Variants in PALLD observed in about 807,000 individuals in gnomAD.
The protein encoded by PALLD is palladin.
PALLD carries 61 observed loss-of-function variants against 123.5 expected under a neutral mutation model. The ratio of observed to expected loss-of-function variants is 0.49; its 90% confidence interval spans 0.40 to 0.61. PALLD has a LOEUF of 0.61. Among genes scored for constraint, PALLD ranks in the 20% least tolerant of loss-of-function variants. PALLD has a pLI of 0.00. For synonymous variants in PALLD, 465 were observed against 496.4 expected, an observed-to-expected ratio of 0.94 and a Z score of 0.84; for missense variants, 1,273 against 1,377.0, an observed-to-expected ratio of 0.92 and a Z score of 1.20.
chr4:168,753,917 A>G (rs952016945), intron 10 of PALLD, among the ~76,000 whole-genome samples: 28 of 152,208 alleles, frequency 1.8e-4, no homozygotes, highest in Admixed American at 7.9e-4. Flanking sequence ...CATAAGAGAC[A>G]GTTAATGCTT....
At chr4:168,668,443 A>C in intron 3 of PALLD, 75 bp downstream of exon 3, 2 of 1,242,970 alleles carry the variant, frequency 1.6e-6, no homozygotes, top group South Asian at 1.6e-5. Context: ...TGGGCATGCA[A>C]ATGTGCCTTT....
intron 2 of PALLD, among the ~76,000 whole-genome samples, chr4:168,571,275 CTA>C (rs1221032556): frequency 3.9e-5 from 6 of 152,124 alleles, no homozygotes; most frequent in African/African-American, 1.4e-4. Context: ...TCTATTTACT[CTA>C]TGTGTGATTC....
chr4:168,614,697 A>G (rs1774050735), intron 2 of PALLD, among the ~76,000 whole-genome samples: 1 of 152,146 alleles, frequency 6.6e-6, no homozygotes, highest in Non-Finnish European at 1.5e-5. Flanking sequence ...ATTTTTCTCT[A>G]TTAACTATTT....
At chr4:168,688,051 C>A (rs1782258941) in intron 6 of PALLD, among the ~76,000 whole-genome samples, 1 of 152,166 alleles carries the variant, frequency 6.6e-6, no homozygotes, top group Admixed American at 6.5e-5. Flanking sequence ...GATGCATCTG[C>A]TTTTCCCTTT....
intron 10 of PALLD, among the ~76,000 whole-genome samples, chr4:168,751,570 T>C (rs1249196074): frequency 1.3e-5 from 2 of 152,182 alleles, no homozygotes; most frequent in African/African-American, 2.4e-5. Context: ...CTTTCCTTAA[T>C]AGAGTCATTA....
At chr4:168,797,930 C>CAAT in intron 10 of PALLD, among the ~76,000 whole-genome samples, 1 of 151,482 alleles carries the variant, frequency 6.6e-6, no homozygotes, top group African/African-American at 2.4e-5. Context: ...TTGCAACTTC[C>CAAT]CTTCTGATCC....
At chr4:168,517,884 T>C (rs2320077) in intron 2 of PALLD, among the ~76,000 whole-genome samples, 112,610 of 152,082 alleles carry the variant, frequency 0.74, 41,913 homozygotes, top group East Asian at 0.86. Context: ...CAACATGAAA[T>C]GTAAATAGGT....
At chr4:168,899,232 T>C (rs1336221174) in intron 14 of PALLD, among the ~76,000 whole-genome samples, 1 of 152,198 alleles carries the variant, frequency 6.6e-6, no homozygotes, top group Non-Finnish European at 1.5e-5. Flanking sequence ...TCTGATACCA[T>C]GCAGGACTAG....
intron 10 of PALLD, chr4:168,831,932 C>G: frequency 2.2e-6 from 2 of 890,330 alleles, no homozygotes; most frequent in South Asian, 1.0e-4. Context: ...GGGGAAGCCT[C>G]CCTAACCTGG....
chr4:168,667,813 A>C (rs1356806414), intron 2 of PALLD, among the ~76,000 whole-genome samples: 1 of 152,212 alleles, frequency 6.6e-6, no homozygotes, highest in African/African-American at 2.4e-5. Context: ...CATAATGTTT[A>C]TATTTTCTAT....
intron 6 of PALLD, among the ~76,000 whole-genome samples, chr4:168,687,026 T>G (rs1316111331): frequency 3.3e-5 from 5 of 152,078 alleles, no homozygotes; most frequent in Non-Finnish European, 7.4e-5. Context: ...TCAGCAGAGG[T>G]GAAAAAGTAT....
chr4:168,894,527 A>G, intron 11 of PALLD, 52 bp from the exon 12 acceptor site: 1 of 1,116,390 alleles, frequency 9.0e-7, no homozygotes, highest in Non-Finnish European at 1.4e-6. Flanking sequence ...AGGGCAGTAC[A>G]TATTTGTGAT....
intron 10 of PALLD, among the ~76,000 whole-genome samples, chr4:168,808,405 G>A (rs373781768): frequency 1.4e-4 from 21 of 152,074 alleles, no homozygotes; most frequent in East Asian, 3.9e-4. Flanking sequence ...GCTTGAACCC[G>A]GGAGGCAGAG....
chr4:168,517,374 A>C (rs969806603), intron 2 of PALLD, among the ~76,000 whole-genome samples: 3 of 152,200 alleles, frequency 2.0e-5, no homozygotes, highest in African/African-American at 7.2e-5. Flanking sequence ...ATCTAATCAT[A>C]AGATACCTAC....
At chr4:168,752,859 T>G (rs1731248418) in intron 10 of PALLD, among the ~76,000 whole-genome samples, 1 of 152,140 alleles carries the variant, frequency 6.6e-6, no homozygotes, top group South Asian at 2.1e-4. Flanking sequence ...TAAAATCTTT[T>G]AAAACTTATA....
At chr4:168,824,626 ATT>A (rs1211492852) in intron 10 of PALLD, among the ~76,000 whole-genome samples, 1 of 151,980 alleles carries the variant, frequency 6.6e-6, no homozygotes, top group African/African-American at 2.4e-5. Flanking sequence ...CAATGGAATT[ATT>A]TTTTACATTT....
intron 10 of PALLD, among the ~76,000 whole-genome samples, chr4:168,851,149 CCAA>C (rs931538757): frequency 6.6e-6 from 1 of 152,120 alleles, no homozygotes; most frequent in African/African-American, 2.4e-5. Context: ...GCCAATTGCA[CCAA>C]CATTTATTCC....
rs748648194 is a variant in PALLD, at chr4:168,924,235, T to A, written c.3059-20T>A. 5.6e-6 allele frequency: 9 copies of A among 1,607,132 alleles called. No homozygotes were observed. The highest frequency in any genetic ancestry group is 7.7e-6 in the Non-Finnish European group (9 of 1,173,732). Reference sequence around the variant, plus strand: ...CCTTTTGTATATCATTGATAGAGAATTCATCTCATGTTTTCTTAGCTAAAG... The same window carrying A: ...CCTTTTGTATATCATTGATAGAGAAATCATCTCATGTTTTCTTAGCTAAAG... On this transcript the variant is annotated intron_variant, in intron 18 of 21. Transcript: ENST00000505667.
chr4:168,721,351 T>A (rs770206943), intron 10 of PALLD, among the ~76,000 whole-genome samples: 2 of 152,236 alleles, frequency 1.3e-5, no homozygotes, highest in East Asian at 3.9e-4. Context: ...ATGAACAATA[T>A]GCTCATAGAT....
Sources: gnomAD v4.1 joint callset for allele counts (sites outside exome capture counted in the v4.1 genomes callset) on GRCh38, gnomAD v4.1.1 for gene constraint, MANE v1.5 for transcripts, NCBI Gene and HGNC (gene_info 2026-07-23, HGNC 2026-07-21) for gene names.